Variants in IFT81 observed in about 807,000 individuals in gnomAD.
IFT81 encodes intraflagellar transport protein 81 homolog.
In IFT81, 72 loss-of-function variants were observed where a neutral mutation model predicts 102.6. That is an observed-to-expected ratio of 0.70 (90% CI 0.58 to 0.85). IFT81 has a LOEUF of 0.85. Ranked by LOEUF, IFT81 falls within the 40% of genes least tolerant of loss-of-function variation. The pLI, the probability that IFT81 is intolerant of heterozygous loss-of-function variation, is 0.00. For synonymous variants in IFT81, 237 were observed against 242.7 expected (o/e 0.98, Z 0.22); for missense variants, 723 against 787.3 (o/e 0.92, Z 0.98).
intron 10 of IFT81, among the ~76,000 whole-genome samples, chr12:110,153,854 C>A (rs1413725316): frequency 6.7e-6 from 1 of 150,104 alleles, no homozygotes; most frequent in African/African-American, 2.5e-5. Context: ...CCGACCTCAG[C>A]TGATCCACCT....
At chr12:110,204,812 A>T (rs1868406946) in intron 15 of IFT81, 1 of 152,236 alleles carries the variant, frequency 6.6e-6, no homozygotes, top group Non-Finnish European at 1.5e-5. Context: ...CCCCATCTCA[A>T]ATATCCTTCA....
chr12:110,161,682 G>A (rs1279263907), intron 10 of IFT81, among the ~76,000 whole-genome samples: 1 of 151,466 alleles, frequency 6.6e-6, no homozygotes, highest in African/African-American at 2.4e-5. Context: ...TTGAACTCCT[G>A]GGCTCAAGTG....
chr12:110,211,648 A>G (rs1869455907), intron 18 of IFT81, among the ~76,000 whole-genome samples: 1 of 151,654 alleles, frequency 6.6e-6, no homozygotes, highest in Non-Finnish European at 1.5e-5. Flanking sequence ...TTTTTTTTTA[A>G]TGATAGAAAC....
At chr12:110,179,769 T>TACACACAC (rs1299408451) in intron 11 of IFT81, among the ~76,000 whole-genome samples, 16 of 65,368 alleles carry the variant, frequency 2.4e-4, no homozygotes, top group Admixed American at 4.0e-4. Context: ...TATATATATA[T>TACACACAC]ATATACACAC....
chr12:110,194,058 C>T (rs931536397), intron 14 of IFT81, among the ~76,000 whole-genome samples: 8 of 152,158 alleles, frequency 5.3e-5, no homozygotes, highest in Admixed American at 5.2e-4. Flanking sequence ...GGAGGAGGGG[C>T]CTCACACTTT....
At chr12:110,131,579 C>A (rs996047408) in intron 4 of IFT81, among the ~76,000 whole-genome samples, 1 of 152,088 alleles carries the variant, frequency 6.6e-6, no homozygotes, top group African/African-American at 2.4e-5. Flanking sequence ...AACTCCTGAC[C>A]TCAAGTGATC....
chr12:110,214,639 C>T (rs961334782), intron 18 of IFT81, among the ~76,000 whole-genome samples: 3 of 152,186 alleles, frequency 2.0e-5, no homozygotes, highest in Admixed American at 6.6e-5. Flanking sequence ...AAAATATATA[C>T]ATACTAACAT....
chr12:110,197,555 CAT>C (rs141544205), intron 14 of IFT81, among the ~76,000 whole-genome samples: 4,474 of 108,594 alleles, frequency 0.041, 222 homozygotes, highest in African/African-American at 0.12. Context: ...AGGTTTTTAT[CAT>C]ATATATATAT....
intron 4 of IFT81, among the ~76,000 whole-genome samples, chr12:110,132,219 C>T (rs1051705132): frequency 3.9e-5 from 6 of 152,138 alleles, no homozygotes; most frequent in Admixed American, 2.6e-4. Flanking sequence ...AATCCCAGCA[C>T]TTTGGGAGGC....
At chr12:110,173,626 T>C (rs1408606389) in intron 11 of IFT81, among the ~76,000 whole-genome samples, 1 of 152,148 alleles carries the variant, frequency 6.6e-6, no homozygotes, top group African/African-American at 2.4e-5. Context: ...CTAAGAAAAA[T>C]TCTTCTGCCT....
chr12:110,136,086 A>T (rs1484558107), intron 7 of IFT81, among the ~76,000 whole-genome samples: 1 of 152,098 alleles, frequency 6.6e-6, no homozygotes, highest in African/African-American at 2.4e-5. Context: ...GGGCTATGAG[A>T]CCATTCTTTT....
chr12:110,216,584 C>G (rs543568574), intron 18 of IFT81: 1 of 453,132 alleles, frequency 2.2e-6, no homozygotes, highest in Non-Finnish European at 4.4e-6. Flanking sequence ...GTGGCACAAT[C>G]TTGGCTCACT....
chr12:110,139,911 A>G (rs961851072), intron 8 of IFT81, among the ~76,000 whole-genome samples: 1 of 150,192 alleles, frequency 6.7e-6, no homozygotes, highest in African/African-American at 2.4e-5. Context: ...AATAAAAAAT[A>G]AAAAATTAGC....
rs1893735040 is a variant in IFT81 at position 110,124,837 on chromosome 12, C to T, written c.-46C>T. The T allele has an allele frequency of 6.6e-6, 1 of 152,280 alleles. No individual in the cohort carries two copies. The highest frequency in any genetic ancestry group is 1.5e-5 in the Non-Finnish European group (1 of 68,070). 9.4% of individuals were successfully genotyped at this position (152,280 alleles called of 1,614,324 possible). A position where few individuals can be genotyped will look rare whatever the true frequency, so the allele number is the denominator to read the frequency against. ...ACGCACGTCCTGGTTTTCATTGTTC[C>T]CCGCCTCCTGCGACTCGTTTGTGGG... is the stretch of plus-strand genomic sequence containing the variant. On this transcript the variant is annotated 5_prime_UTR_variant, in exon 1 of 19. Transcript: ENST00000242591.
chr12:110,141,596 C>G (rs947138674), intron 8 of IFT81, among the ~76,000 whole-genome samples: 4 of 152,168 alleles, frequency 2.6e-5, no homozygotes, highest in African/African-American at 7.2e-5. Flanking sequence ...AAATTTGAGC[C>G]AGGCCAGACG....
chr12:110,133,710 A>G (rs1217763865), intron 5 of IFT81, among the ~76,000 whole-genome samples: 1 of 152,248 alleles, frequency 6.6e-6, no homozygotes, highest in Admixed American at 6.5e-5. Context: ...AAATATATTT[A>G]AATCTTTTTC....
chr12:110,180,898 G>A (rs754949441), intron 12 of IFT81, among the ~76,000 whole-genome samples: 1 of 152,040 alleles, frequency 6.6e-6, no homozygotes, highest in Non-Finnish European at 1.5e-5. Flanking sequence ...TGGCCTGCTG[G>A]GCAGAAATTT....
At chr12:110,144,587 T>C (rs1895090515) in intron 9 of IFT81, among the ~76,000 whole-genome samples, 1 of 151,732 alleles carries the variant, frequency 6.6e-6, no homozygotes, top group African/African-American at 2.4e-5. Flanking sequence ...CTCAGCTCCC[T>C]GCAACCTCTG....
chr12:110,124,407 G>C lies in IFT81; in HGVS notation c.-476G>C, dbSNP rs992929278. On this transcript the variant is annotated 5_prime_UTR_variant, in exon 1 of 19. Transcript: ENST00000242591. ...GCGGTCTAGAGCCCGGGCGCCTCCTGGGGGGTGGGGAAACGGTTTCGTGAG... is the reference window on the plus strand; with the variant it reads ...GCGGTCTAGAGCCCGGGCGCCTCCTCGGGGGTGGGGAAACGGTTTCGTGAG... The C allele has an allele frequency of 3.9e-5, 6 of 152,160 alleles. No homozygotes were observed. The highest frequency in any genetic ancestry group is 3.2e-3 in the Middle Eastern group (1 of 314). 9.4% of individuals were successfully genotyped at this position (152,160 alleles called of 1,614,324 possible).
Sources: allele counts gnomAD v4.1 joint callset (sites outside exome capture counted in the v4.1 genomes callset), GRCh38; gene constraint gnomAD v4.1.1; transcripts MANE v1.5; gene names NCBI Gene and HGNC (gene_info 2026-07-23, HGNC 2026-07-21).